The following RSPO2 variants were observed in gnomAD, a reference collection of about 807,000 sequenced individuals.
RSPO2 encodes R-spondin 2, also known as R-spondin-2.
A neutral mutation model predicts 30.9 loss-of-function variants in RSPO2; 14 were observed. The ratio of observed to expected loss-of-function variants is 0.45; its 90% CI spans 0.30 to 0.71. The LOEUF is 0.71. Among genes scored for constraint, RSPO2 ranks in the 30% least tolerant of loss-of-function variants. The probability of loss-of-function intolerance (pLI) is 0.08; values close to 1 mark genes in which losing one functional copy is unlikely to be tolerated. For missense variants in RSPO2, 264 were observed against 301.9 expected, an observed-to-expected ratio of 0.87 and a Z score of 0.93; for synonymous variants, 107 against 96.4, an observed-to-expected ratio of 1.11 and a Z score of -0.64.
chr8:108,068,944 G>T (rs1332249013), intron 2 of RSPO2, among the ~76,000 whole-genome samples: 1 of 152,182 alleles, frequency 6.6e-6, no homozygotes, highest in Non-Finnish European at 1.5e-5. Flanking sequence ...CTTTGTCACA[G>T]CAGTCCTAGG....
At chr8:107,949,179 C>G (rs1813164008) in intron 5 of RSPO2, among the ~76,000 whole-genome samples, 1 of 152,048 alleles carries the variant, frequency 6.6e-6, no homozygotes, top group Admixed American at 6.5e-5. Context: ...CCCCAAGTCC[C>G]CAAAGTTCAT....
chr8:107,954,705 G>A (rs1293966457), intron 5 of RSPO2, among the ~76,000 whole-genome samples: 1 of 152,054 alleles, frequency 6.6e-6, no homozygotes, highest in African/African-American at 2.4e-5. Context: ...CCACCTCCGG[G>A]GTTCAAGCCA....
intron 2 of RSPO2, among the ~76,000 whole-genome samples, chr8:107,994,591 A>T (rs183170926): frequency 6.6e-5 from 10 of 152,302 alleles, no homozygotes. Context: ...GAAATGATAC[A>T]ATCTGAAATA....
At chr8:107,968,580 G>A (rs1813892622) in intron 3 of RSPO2, among the ~76,000 whole-genome samples, 1 of 151,846 alleles carries the variant, frequency 6.6e-6, no homozygotes. Flanking sequence ...CAAAATAGAA[G>A]AATTGTAATG....
intron 2 of RSPO2, among the ~76,000 whole-genome samples, chr8:108,071,362 A>G (rs1355171839): frequency 1.3e-5 from 2 of 152,210 alleles, no homozygotes; most frequent in African/African-American, 4.8e-5. Context: ...GACCACCAGG[A>G]GTGGTGCAAA....
intron 2 of RSPO2, among the ~76,000 whole-genome samples, chr8:108,061,918 C>A (rs1239416064): frequency 6.6e-6 from 1 of 151,878 alleles, no homozygotes; most frequent in Admixed American, 6.6e-5. Flanking sequence ...AACTCAACAA[C>A]CTGCTCCTGA....
intron 5 of RSPO2, among the ~76,000 whole-genome samples, chr8:107,904,484 A>G (rs778977649): frequency 2.6e-5 from 4 of 152,064 alleles, no homozygotes; most frequent in Non-Finnish European, 5.9e-5. Flanking sequence ...TTGACACATC[A>G]TAACTAAGGG....
intron 2 of RSPO2, among the ~76,000 whole-genome samples, chr8:108,074,131 G>A (rs904535446): frequency 6.6e-6 from 1 of 152,112 alleles, no homozygotes; most frequent in Non-Finnish European, 1.5e-5. Flanking sequence ...CCCAAGTTAA[G>A]AAACCCTTCT....
chr8:108,063,838 C>T (rs867682075), intron 2 of RSPO2, among the ~76,000 whole-genome samples: 23 of 152,186 alleles, frequency 1.5e-4, no homozygotes, highest in East Asian at 3.9e-4. Flanking sequence ...GAGATATAGA[C>T]CAATGGAACA....
intron 3 of RSPO2, among the ~76,000 whole-genome samples, chr8:107,975,441 C>G (rs1814172009): frequency 6.6e-6 from 1 of 152,210 alleles, no homozygotes; most frequent in African/African-American, 2.4e-5. Flanking sequence ...TTTCATTGAA[C>G]TATTTAACTT....
At chr8:107,910,914 A>T (rs570241015) in intron 5 of RSPO2, among the ~76,000 whole-genome samples, 130 of 152,282 alleles carry the variant, frequency 8.5e-4, no homozygotes, top group African/African-American at 3.0e-3. Flanking sequence ...ATTTTAAAAT[A>T]GCTACAATGT....
chr8:107,945,165 A>T (rs1813016755), intron 5 of RSPO2, among the ~76,000 whole-genome samples: 1 of 149,874 alleles, frequency 6.7e-6, no homozygotes, highest in Non-Finnish European at 1.5e-5. Flanking sequence ...TTCTTCTGGA[A>T]TGGCCAATCT....
chr8:108,018,568 A>C (rs73321411), intron 2 of RSPO2, among the ~76,000 whole-genome samples: 11,553 of 152,258 alleles, frequency 0.076, 744 homozygotes, highest in African/African-American at 0.16. Flanking sequence ...CCAGACTTAG[A>C]AAAAATACAG....
rs566247991 is a variant in RSPO2, at chr8:108,033,032, A to G, written c.95-43788T>C. Among the ~76,000 whole-genome samples the G allele has an allele frequency of 6.8e-4, 92 of 135,632 alleles. 1 individual carries two copies. In the Middle Eastern group the frequency reaches 0.011, roughly 17 times the overall value. The allele number at this position is 135,632 out of a possible 152,430, so 89.0% of individuals were successfully genotyped here. ...ACCACTGCACTCTAGCCTGGGTGAC[A>G]GAGCAAGACTCTGTCTCAAAAAAAA... On this transcript the variant is annotated intron_variant, in intron 2 of 5. Transcript: ENST00000276659.
At chr8:108,041,457 T>C (rs1811756542) in intron 2 of RSPO2, among the ~76,000 whole-genome samples, 1 of 151,800 alleles carries the variant, frequency 6.6e-6, no homozygotes, top group Non-Finnish European at 1.5e-5. Context: ...AGAAGAGAAA[T>C]TGAGACCAAC....
intron 5 of RSPO2, among the ~76,000 whole-genome samples, chr8:107,909,319 G>C (rs1233791414): frequency 7.0e-6 from 1 of 143,734 alleles, no homozygotes; most frequent in Non-Finnish European, 1.5e-5. Flanking sequence ...CTGGAGTGCA[G>C]TGGCATGATC....
chr8:107,926,794 T>C (rs1586550039), intron 5 of RSPO2, among the ~76,000 whole-genome samples: 2 of 152,216 alleles, frequency 1.3e-5, no homozygotes, highest in African/African-American at 2.4e-5. Flanking sequence ...TTTTGGTTAC[T>C]GTAGCCTTGT....
intron 2 of RSPO2, among the ~76,000 whole-genome samples, chr8:108,035,120 A>G (rs1288427479): frequency 2.0e-5 from 3 of 152,252 alleles, no homozygotes; most frequent in Non-Finnish European, 4.4e-5. Flanking sequence ...AGGAAACAAT[A>G]TAACAGAAAG....
chr8:107,911,694 C>A (rs1044772265), intron 5 of RSPO2, among the ~76,000 whole-genome samples: 1 of 152,076 alleles, frequency 6.6e-6, no homozygotes, highest in African/African-American at 2.4e-5. Context: ...TCTATTTTGC[C>A]GATGAGGAAA....
Sources: gnomAD v4.1 joint callset for allele counts (sites outside exome capture counted in the v4.1 genomes callset) on GRCh38, gnomAD v4.1.1 for gene constraint, MANE v1.5 for transcripts, NCBI Gene and HGNC (gene_info 2026-07-23, HGNC 2026-07-21) for gene names.